CHST11: variants seen among roughly 807,000 people sequenced by gnomAD.
The protein encoded by CHST11 is carbohydrate sulfotransferase 11.
A neutral mutation model predicts 30.4 loss-of-function variants in CHST11; 9 were observed. The ratio of observed to expected loss-of-function variants is 0.30; its 90% CI spans 0.18 to 0.52. CHST11 has a LOEUF of 0.52. CHST11 is among the 20% of genes least tolerant of loss of function. CHST11 has a pLI of 0.97. For missense variants in CHST11, 348 were observed against 460.6 expected, an observed-to-expected ratio of 0.76 and a Z score of 2.24; for synonymous variants, 152 against 187.8, an observed-to-expected ratio of 0.81 and a Z score of 1.56.
chr12:104,731,876 C>T (rs2040261047), intron 2 of CHST11, among the ~76,000 whole-genome samples: 1 of 152,258 alleles, frequency 6.6e-6, no homozygotes. Flanking sequence ...ACTGTTTAAT[C>T]CCCAACGTAC....
At chr12:104,575,643 G>A (rs1490238791) in intron 1 of CHST11, among the ~76,000 whole-genome samples, 1 of 152,150 alleles carries the variant, frequency 6.6e-6, no homozygotes, top group Non-Finnish European at 1.5e-5. Context: ...AGCAGGTGCT[G>A]TTCTGTGGGG....
intron 2 of CHST11, among the ~76,000 whole-genome samples, chr12:104,736,487 G>A (rs1258970788): frequency 1.3e-5 from 2 of 152,230 alleles, no homozygotes; most frequent in African/African-American, 4.8e-5. Flanking sequence ...ATTTCCAGAT[G>A]TTTCTGGTTA....
chr12:104,644,206 C>G (rs949659952), intron 2 of CHST11, among the ~76,000 whole-genome samples: 8 of 152,126 alleles, frequency 5.3e-5, no homozygotes, highest in African/African-American at 1.9e-4. Context: ...GCGTGCACCT[C>G]CTGGATATCT....
chr12:104,513,810 A>C (rs2037993563), intron 1 of CHST11, among the ~76,000 whole-genome samples: 1 of 152,166 alleles, frequency 6.6e-6, no homozygotes, highest in Non-Finnish European at 1.5e-5. Context: ...CATTATTGGC[A>C]AGGTTTCGAG....
chr12:104,505,117 A>G (rs1030277023), intron 1 of CHST11, among the ~76,000 whole-genome samples: 4 of 152,188 alleles, frequency 2.6e-5, no homozygotes, highest in African/African-American at 9.7e-5. Context: ...ATTTTTGCCC[A>G]CAAACCCCAG....
chr12:104,680,759 C>T (rs2039787698), intron 2 of CHST11, among the ~76,000 whole-genome samples: 1 of 152,196 alleles, frequency 6.6e-6, no homozygotes, highest in Admixed American at 6.5e-5. Flanking sequence ...TAACTTATAC[C>T]ACACTCCCCC....
At chr12:104,704,142 A>G (rs2040013419) in intron 2 of CHST11, among the ~76,000 whole-genome samples, 1 of 152,198 alleles carries the variant, frequency 6.6e-6, no homozygotes, top group Admixed American at 6.5e-5. Flanking sequence ...AGTTCAGGCC[A>G]TGGGAACTGG....
intron 1 of CHST11, 97 bp from the exon 2 acceptor site, chr12:104,601,809 C>A: frequency 1.1e-6 from 1 of 930,984 alleles, no homozygotes; most frequent in Non-Finnish European, 1.7e-6. Context: ...CTCTTTCTTT[C>A]CTGCCTGTTT....
At chr12:104,554,980 C>T (rs1461804670) in intron 1 of CHST11, among the ~76,000 whole-genome samples, 11 of 152,168 alleles carry the variant, frequency 7.2e-5, no homozygotes, top group Non-Finnish European at 1.0e-4. Context: ...ATCCAGTTTC[C>T]GAGCTTGTGA....
At chr12:104,704,445 G>A (rs531447227) in intron 2 of CHST11, among the ~76,000 whole-genome samples, 6 of 152,226 alleles carry the variant, frequency 3.9e-5, no homozygotes, top group South Asian at 2.1e-4. Context: ...GGCTCTCCCC[G>A]CCTCACCTGT....
intron 2 of CHST11, among the ~76,000 whole-genome samples, chr12:104,714,074 C>A (rs1377505276): frequency 1.3e-5 from 2 of 152,194 alleles, no homozygotes; most frequent in Non-Finnish European, 2.9e-5. Context: ...CAGAGCATTG[C>A]AATGTGACCA....
intron 2 of CHST11, among the ~76,000 whole-genome samples, chr12:104,606,475 C>A (rs1384354035): frequency 6.6e-6 from 1 of 152,164 alleles, no homozygotes; most frequent in Non-Finnish European, 1.5e-5. Context: ...ATCTTTACAA[C>A]AACCCGAAGA....
chr12:104,507,306 A>G (rs944790994), intron 1 of CHST11, among the ~76,000 whole-genome samples: 2 of 152,230 alleles, frequency 1.3e-5, no homozygotes, highest in African/African-American at 4.8e-5. Flanking sequence ...CTCCCAGCCC[A>G]GTGGCCCCAC....
intron 2 of CHST11, among the ~76,000 whole-genome samples, chr12:104,659,188 T>A (rs1007494691): frequency 6.6e-6 from 1 of 152,232 alleles, no homozygotes; most frequent in African/African-American, 2.4e-5. Context: ...CACAGCTCTG[T>A]GTTCTGCATC....
chr12:104,495,828 G>T (rs1396418285), intron 1 of CHST11, among the ~76,000 whole-genome samples: 2 of 152,184 alleles, frequency 1.3e-5, no homozygotes, highest in Non-Finnish European at 2.9e-5. Context: ...GGCTACTAGG[G>T]TGTTCTCTGG....
At position 104,676,051 on chromosome 12, in the gene CHST11, G is replaced by C. The variant is rs950491408; in HGVS notation, c.204+74060G>C. Among the ~76,000 whole-genome samples the C allele has an allele frequency of 1.3e-5, 2 of 152,214 alleles. No homozygotes were observed. Among genetic ancestry groups the C allele is most frequent in the African/African-American group, 4.8e-5 (2 of 41,448 alleles). On this transcript the variant is annotated intron_variant, in intron 2 of 2. Transcript: ENST00000303694. This position sits in a 1 kb window ranked among gnomAD's most constrained non-coding sequence, Gnocchi z 4.4. ...CCTATAATTCTGTCTGCATAGGAAA[G>C]ACCTGTTCAATGATCATCTTTTTAT...
At chr12:104,648,209 A>G (rs1469313450) in intron 2 of CHST11, among the ~76,000 whole-genome samples, 1 of 152,164 alleles carries the variant, frequency 6.6e-6, no homozygotes, top group Non-Finnish European at 1.5e-5. Context: ...TTGGGTATCT[A>G]TATTGTTTCC....
chr12:104,656,442 A>C (rs1474207730), intron 2 of CHST11, among the ~76,000 whole-genome samples: 1 of 152,102 alleles, frequency 6.6e-6, no homozygotes, highest in Non-Finnish European at 1.5e-5. Flanking sequence ...CCTTGACCTG[A>C]GCACAGCACT....
At chr12:104,602,232 G>A in intron 2 of CHST11, 1 of 532,296 alleles carries the variant, frequency 1.9e-6, no homozygotes, top group Non-Finnish European at 3.3e-6. Flanking sequence ...GACCTGCCCA[G>A]GGTTTGAACT....
Sources: allele counts gnomAD v4.1 joint callset (sites outside exome capture counted in the v4.1 genomes callset), GRCh38; gene constraint gnomAD v4.1.1; non-coding constraint Gnocchi (gnomAD v3.1); transcripts MANE v1.5; gene names NCBI Gene and HGNC (gene_info 2026-07-23, HGNC 2026-07-21).